The following GRIN2B variants were observed in gnomAD, a reference collection of about 807,000 sequenced individuals.
GRIN2B encodes glutamate ionotropic receptor NMDA type subunit 2B.
GRIN2B carries 5 observed loss-of-function variants against 114.5 expected under a neutral mutation model. The observed-to-expected ratio is 0.04, with a 90% confidence interval of 0.02 to 0.09. The LOEUF (loss-of-function observed/expected upper bound fraction) is 0.09. GRIN2B is among the 10% of genes least tolerant of loss of function. The probability of loss-of-function intolerance (pLI) is 1.00; values close to 1 mark genes in which losing one functional copy is unlikely to be tolerated. For missense variants in GRIN2B, 1,108 were observed against 1,943.5 expected, an observed-to-expected ratio of 0.57 and a Z score of 8.08; for synonymous variants, 787 against 745.1, an observed-to-expected ratio of 1.06 and a Z score of -0.92.
In GRIN2B at chr12:13,608,636, A is replaced by G. The variant is rs1949320030; in HGVS notation, c.1977T>C (p.Tyr659=). 1 of 1,614,142 alleles carries G rather than the reference A, an allele frequency of 6.2e-7. No individual in the cohort carries two copies. Among genetic ancestry groups the G allele is most frequent in the Non-Finnish European group, 8.5e-7 (1 of 1,179,980 alleles). ...NLAAFMIQEE[Y]VDQVSGLSDK... ...CGCTCAGGCCAGAAACCTGGTCCAC[A>G]TATTCCTCTTGGATCATGAAGGCAG... is the stretch of plus-strand genomic sequence containing the variant. Residue 659 remains tyrosine (Y), a synonymous_variant, in exon 10 of 14, where the codon TAT becomes TAC. Coordinates refer to ENST00000609686, the MANE Select transcript of GRIN2B (RefSeq NM_000834.5).
chr12:13,578,356 C>T (rs1230101475), intron 10 of GRIN2B, among the ~76,000 whole-genome samples: 5 of 152,188 alleles, frequency 3.3e-5, no homozygotes, highest in African/African-American at 1.2e-4. Flanking sequence ...GCAGCTTCCA[C>T]CTTGGCCTTT....
chr12:13,860,141 C>A (rs1307797172), intron 3 of GRIN2B, among the ~76,000 whole-genome samples: 1 of 152,146 alleles, frequency 6.6e-6, no homozygotes, highest in East Asian at 1.9e-4. Context: ...GCCAGCCCAT[C>A]TACTCTCTCC....
chr12:13,630,535 G>A (rs745826570), intron 5 of GRIN2B, among the ~76,000 whole-genome samples: 1 of 152,116 alleles, frequency 6.6e-6, no homozygotes, highest in Non-Finnish European at 1.5e-5. Context: ...TGTCCTCTTG[G>A]AATGTTGCTG....
At chr12:13,889,278 C>A (rs915649749) in intron 2 of GRIN2B, among the ~76,000 whole-genome samples, 1 of 152,172 alleles carries the variant, frequency 6.6e-6, no homozygotes, top group Non-Finnish European at 1.5e-5. Flanking sequence ...CCATTGTACA[C>A]GTGGTCCATC....
intron 2 of GRIN2B, among the ~76,000 whole-genome samples, chr12:13,964,267 A>G (rs943446431): frequency 2.0e-5 from 3 of 152,192 alleles, no homozygotes; most frequent in South Asian, 2.1e-4. Flanking sequence ...GATTTCTGCC[A>G]CCTTAAAGAC....
At chr12:13,930,756 G>A (rs1277418462) in intron 2 of GRIN2B, among the ~76,000 whole-genome samples, 1 of 152,074 alleles carries the variant, frequency 6.6e-6, no homozygotes, top group Non-Finnish European at 1.5e-5. Context: ...AATAGACCTT[G>A]GCAAGCCAAA....
At chr12:13,640,127 T>C (rs1949701443) in intron 5 of GRIN2B, among the ~76,000 whole-genome samples, 4 of 152,110 alleles carry the variant, frequency 2.6e-5, no homozygotes. Context: ...GGTACATGAT[T>C]GTAGTCCCAG....
In GRIN2B at chr12:13,803,592, G is replaced by T. The variant is rs906871895; in HGVS notation, c.412-49677C>A. ...TCTATGCTACTATAATGTTAAAAAA[G>T]AAGTTTTCCATATAAATCAAACCAA... On this transcript the variant is annotated intron_variant, in intron 3 of 13. Coordinates refer to ENST00000609686, the MANE Select transcript of GRIN2B (RefSeq NM_000834.5). Among the ~76,000 whole-genome samples the T allele has an allele frequency of 5.9e-5, 9 of 152,202 alleles. No individual in the cohort carries two copies. In the East Asian group the frequency reaches 1.5e-3, roughly 26 times the overall value.
intron 10 of GRIN2B, among the ~76,000 whole-genome samples, chr12:13,576,553 C>CT (rs200101766): frequency 0.054 from 7,310 of 135,296 alleles, 216 homozygotes; most frequent in African/African-American, 0.082. Context: ...TTTCTTTTTT[C>CT]TTTTTTTTTT....
intron 3 of GRIN2B, among the ~76,000 whole-genome samples, chr12:13,813,382 G>A (rs1864768567): frequency 1.3e-5 from 2 of 152,142 alleles, no homozygotes; most frequent in African/African-American, 4.8e-5. Flanking sequence ...AGATGGCAAA[G>A]GAAGCATGTG....
At chr12:13,939,931 T>C (rs1177565847) in intron 2 of GRIN2B, among the ~76,000 whole-genome samples, 2 of 152,090 alleles carry the variant, frequency 1.3e-5, no homozygotes, top group Non-Finnish European at 2.9e-5. Flanking sequence ...TAGAAAGGGT[T>C]GAGTGTGCCT....
Position 13,551,191 on chromosome 12 carries a change from T to C in GRIN2B, c.*11592A>G, listed in dbSNP as rs1253524608. The stretch of plus-strand genomic sequence containing the variant: ...GGCATTTATCCCTATTCCTTGAGAA[T>C]AGGGATTCTCAAGGAATTCTCCTAC... On this transcript the variant is annotated 3_prime_UTR_variant, in exon 14 of 14. Transcript: ENST00000609686. The C allele has an allele frequency of 3.9e-5, 6 of 152,106 alleles. No homozygotes were observed. The highest frequency in any genetic ancestry group is 1.4e-4 in the African/African-American group (6 of 41,412). The allele number at this position is 152,106 out of a possible 1,614,324, so 9.4% of individuals were successfully genotyped here.
At chr12:13,886,048 C>A (rs1866151660) in intron 2 of GRIN2B, among the ~76,000 whole-genome samples, 1 of 152,036 alleles carries the variant, frequency 6.6e-6, no homozygotes, top group Non-Finnish European at 1.5e-5. Flanking sequence ...TAGAAGAGTG[C>A]AAAAAAGCCA....
chr12:13,805,565 A>G (rs147870747), intron 3 of GRIN2B, among the ~76,000 whole-genome samples: 1 of 152,314 alleles, frequency 6.6e-6, no homozygotes, highest in East Asian at 1.9e-4. Flanking sequence ...ATGTTATTAA[A>G]AGTCAACAAA....
intron 5 of GRIN2B, among the ~76,000 whole-genome samples, chr12:13,654,841 C>T (rs1274569177): frequency 1.3e-5 from 2 of 152,016 alleles, no homozygotes; most frequent in African/African-American, 4.8e-5. Flanking sequence ...TTCTGCAAAG[C>T]CCATTCTAAG....
chr12:13,975,745 C>T (rs967372143), intron 2 of GRIN2B, among the ~76,000 whole-genome samples: 5 of 152,184 alleles, frequency 3.3e-5, no homozygotes, highest in Admixed American at 1.3e-4. Flanking sequence ...TCTCTCCCTG[C>T]CCTTGAGGAG....
chr12:13,595,015 G>A (rs1402169440), intron 10 of GRIN2B, among the ~76,000 whole-genome samples: 1 of 152,162 alleles, frequency 6.6e-6, no homozygotes, highest in Non-Finnish European at 1.5e-5. Flanking sequence ...TTACATAATT[G>A]TGTTAAAAGC....
chr12:13,751,472 C>A (rs767065837), intron 4 of GRIN2B, among the ~76,000 whole-genome samples: 2 of 152,110 alleles, frequency 1.3e-5, no homozygotes, highest in African/African-American at 2.4e-5. Flanking sequence ...AAAACAAGAA[C>A]GGCATTCCAG....
In GRIN2B at chr12:13,545,669, G is replaced by A. The variant is rs1293967560; in HGVS notation, c.*17114C>T. Reference sequence around the variant, plus strand: ...TTTCTGGTTTGAGAATTGTCCTTGGGTTAATTATTATTTTTAATAGGTAAG... The same window carrying A: ...TTTCTGGTTTGAGAATTGTCCTTGGATTAATTATTATTTTTAATAGGTAAG... On this transcript the variant is annotated 3_prime_UTR_variant, in exon 14 of 14. Coordinates refer to ENST00000609686, the MANE Select transcript of GRIN2B (RefSeq NM_000834.5). The A allele has an allele frequency of 2.0e-5, 3 of 152,092 alleles. No homozygotes were observed. Among genetic ancestry groups the A allele is most frequent in the Non-Finnish European group, 4.4e-5 (3 of 68,018 alleles). 9.4% of individuals were successfully genotyped at this position (152,092 alleles called of 1,614,324 possible).
Sources: allele counts gnomAD v4.1 joint callset (sites outside exome capture counted in the v4.1 genomes callset), GRCh38; gene constraint gnomAD v4.1.1; transcripts MANE v1.5; gene names NCBI Gene and HGNC (gene_info 2026-07-23, HGNC 2026-07-21).